ATG13: variants seen among roughly 807,000 people sequenced by gnomAD.
ATG13 encodes autophagy-related protein 13.
A neutral mutation model predicts 65.5 loss-of-function variants in ATG13; 23 were observed. The ratio of observed to expected loss-of-function variants is 0.35; its 90% confidence interval spans 0.25 to 0.50. The LOEUF (loss-of-function observed/expected upper bound fraction) is 0.50. Ranked by LOEUF, ATG13 falls within the 20% of genes least tolerant of loss-of-function variation. The pLI is 0.98. For synonymous variants in ATG13, 252 were observed against 245.2 expected (o/e 1.03, Z -0.26); for missense variants, 566 against 677.0 (o/e 0.84, Z 1.82).
chr11:46,664,456 C>G (rs1176398350), intron 12 of ATG13, among the ~76,000 whole-genome samples: 2 of 152,128 alleles, frequency 1.3e-5, no homozygotes, highest in African/African-American at 4.8e-5. Context: ...TCAAAGGGGC[C>G]TCAGGACAAA....
rs766395654 is a variant in ATG13 at position 46,669,545 on chromosome 11, C to T, written c.1575+13C>T. On this transcript the variant is annotated intron_variant, in intron 18 of 18. Transcript: ENST00000683050. Reference sequence around the variant, plus strand: ...GGCTGAAGACTTGGTATGGAAACGTCTTCCTCTACCACAGTGCATCCTTAT... The same window carrying T: ...GGCTGAAGACTTGGTATGGAAACGTTTTCCTCTACCACAGTGCATCCTTAT... The T allele has an allele frequency of 2.5e-6, 4 of 1,613,488 alleles. No homozygotes were observed. Among genetic ancestry groups the T allele is most frequent in the South Asian group, 2.2e-5 (2 of 91,066 alleles).
chr11:46,653,489 C>G (rs529943966), intron 7 of ATG13, among the ~76,000 whole-genome samples: 5 of 151,460 alleles, frequency 3.3e-5, no homozygotes, highest in South Asian at 4.2e-4. Context: ...TCTTTTCTTT[C>G]ATACAAAACT....
At position 46,645,269 on chromosome 11, in the gene ATG13, G is replaced by C; in HGVS notation, c.70-70G>C. 3 of 1,385,216 alleles carry C rather than the reference G, an allele frequency of 2.2e-6. No individual in the cohort carries two copies. The East Asian group carries it at 7.0e-5, about 32-fold the overall frequency. The allele number at this position is 1,385,216 out of a possible 1,614,324, so 85.8% of individuals were successfully genotyped here. A position where few individuals can be genotyped will look rare whatever the true frequency, so the allele number is the denominator to read the frequency against. ...TCTGTATTGGGAGGATTTTAACCCT[G>C]ATCGGGAGCCAGATTAGTCTAAGAC... On this transcript the variant is annotated intron_variant, in intron 3 of 18. Coordinates refer to ENST00000683050, the MANE Select transcript of ATG13 (RefSeq NM_001346311.2).
intron 2 of ATG13, among the ~76,000 whole-genome samples, chr11:46,631,745 G>A (rs1442286850): frequency 6.6e-6 from 1 of 152,020 alleles, no homozygotes; most frequent in Non-Finnish European, 1.5e-5. Context: ...TGGGTGTAGT[G>A]ACATATACCT....
chr11:46,644,603 A>T (rs1393001597), intron 3 of ATG13, among the ~76,000 whole-genome samples: 2 of 151,216 alleles, frequency 1.3e-5, no homozygotes, highest in African/African-American at 4.9e-5. Context: ...TTTTTTTGCA[A>T]GTCTGTTTGC....
intron 10 of ATG13, among the ~76,000 whole-genome samples, chr11:46,658,003 A>G (rs2060372763): frequency 6.6e-6 from 1 of 151,208 alleles, no homozygotes; most frequent in Admixed American, 6.6e-5. Flanking sequence ...TGGGAGGCAG[A>G]GGTTGCAGTG....
intron 5 of ATG13, among the ~76,000 whole-genome samples, chr11:46,646,650 G>A (rs1239627304): frequency 6.6e-6 from 1 of 151,948 alleles, no homozygotes; most frequent in Non-Finnish European, 1.5e-5. Flanking sequence ...TTTTAGTAGA[G>A]ACAGGGTTTT....
intron 2 of ATG13, among the ~76,000 whole-genome samples, chr11:46,640,439 G>C (rs1025946566): frequency 6.6e-6 from 1 of 152,172 alleles, no homozygotes; most frequent in African/African-American, 2.4e-5. Flanking sequence ...CTTGTATCCA[G>C]AATATATGTT....
At chr11:46,649,373 G>C (rs146814112) in intron 6 of ATG13, among the ~76,000 whole-genome samples, 190 bp downstream of exon 6, 4 of 152,190 alleles carry the variant, frequency 2.6e-5, no homozygotes, top group African/African-American at 9.7e-5. Flanking sequence ...CCTTCAGAGG[G>C]AACATCAGTC....
intron 7 of ATG13, among the ~76,000 whole-genome samples, chr11:46,653,443 G>T (rs1391196622): frequency 1.3e-5 from 2 of 151,836 alleles, no homozygotes; most frequent in African/African-American, 4.8e-5. Flanking sequence ...CAGAGTGCTG[G>T]GATTACAGGC....
At chr11:46,657,070 G>T (rs777070405) in intron 8 of ATG13, 25 bp from the exon 9 acceptor site, 1 of 1,583,032 alleles carries the variant, frequency 6.3e-7, no homozygotes, top group Non-Finnish European at 8.7e-7. Flanking sequence ...TGCAAAAGAA[G>T]CTAATAATGT....
chr11:46,627,870 C>T (rs947251621), intron 1 of ATG13, among the ~76,000 whole-genome samples: 1 of 151,870 alleles, frequency 6.6e-6, no homozygotes, highest in African/African-American at 2.4e-5. Context: ...ATTGCTTGAG[C>T]CCAGGAGTTC....
Position 46,672,339 on chromosome 11 carries a change from C to T in ATG13, c.*7C>T. The T allele has an allele frequency of 1.2e-6, 2 of 1,614,222 alleles. No homozygotes were observed. Among genetic ancestry groups the T allele is most frequent in the Non-Finnish European group, 1.7e-6 (2 of 1,180,024 alleles). ...TGTGGAAACCCTGCAGTAAAAGTAT[C>T]CTTGAGTCCCAGCAGCACCCCCTTT... is the stretch of plus-strand genomic sequence containing the variant. On this transcript the variant is annotated 3_prime_UTR_variant, in exon 19 of 19. Transcript: ENST00000683050.
In ATG13 at chr11:46,672,272, G is replaced by A; in HGVS notation, c.1593G>A (p.Lys531=). The A allele has an allele frequency of 4.3e-6, 7 of 1,614,248 alleles. No individual in the cohort carries two copies. Among genetic ancestry groups the A allele is most frequent in the Non-Finnish European group, 5.1e-6 (6 of 1,180,046 alleles). The change falls in exon 19 of 19, where the codon AAG becomes AAA. Residue 531 remains lysine, a synonymous_variant. Transcript: ENST00000683050. Reference sequence around the variant, plus strand: ...CGGTACAGGACTCATTACCAGAGAAGCTGGCTGTGCATGAGAAGAATGTCC... The same window carrying A: ...CGGTACAGGACTCATTACCAGAGAAACTGGCTGTGCATGAGAAGAATGTCC... ...MAEDLDSLPE[K]LAVHEKNVRE...
At chr11:46,629,585 C>T (rs1393456014) in intron 1 of ATG13, among the ~76,000 whole-genome samples, 5 of 151,624 alleles carry the variant, frequency 3.3e-5, no homozygotes, top group Non-Finnish European at 5.9e-5. Flanking sequence ...TTAGTAGAGA[C>T]GGGGTTTCTC....
intron 1 of ATG13, among the ~76,000 whole-genome samples, chr11:46,618,994 T>C (rs527500364): frequency 1.4e-4 from 21 of 152,092 alleles, no homozygotes; most frequent in Non-Finnish European, 2.9e-4. Context: ...AGGAGCTTAA[T>C]CTCGAAGGAA....
intron 7 of ATG13, among the ~76,000 whole-genome samples, 193 bp downstream of exon 7, chr11:46,650,510 TATC>T (rs2058674908): frequency 6.6e-6 from 1 of 152,218 alleles, no homozygotes; most frequent in Non-Finnish European, 1.5e-5. Flanking sequence ...CCAGGTTTAT[TATC>T]CTTTTCTATA....
chr11:46,657,460 G>A, intron 9 of ATG13, 64 bp from the exon 10 acceptor site: 1 of 1,492,914 alleles, frequency 6.7e-7, no homozygotes, highest in Non-Finnish European at 9.3e-7. Context: ...GGGGCCCTCT[G>A]AGGACTTTGT....
chr11:46,657,351 T>C lies in ATG13; in HGVS notation c.596+160T>C, dbSNP rs1016371337. On this transcript the variant is annotated intron_variant, in intron 9 of 18. Coordinates refer to ENST00000683050, the MANE Select transcript of ATG13 (RefSeq NM_001346311.2). ...GTTGCCAGATTGGAGAATTTGAGTG[T>C]CCCAGAGCCAGTTTGTCCAGAACGT... 1.1e-5 allele frequency: 10 copies of C among 920,838 alleles called. No individual in the cohort carries two copies. In the African/African-American group the frequency reaches 1.7e-4, roughly 15 times the overall value. 57.0% of individuals were successfully genotyped at this position (920,838 alleles called of 1,614,324 possible).
Sources: allele counts gnomAD v4.1 joint callset (sites outside exome capture counted in the v4.1 genomes callset), GRCh38; gene constraint gnomAD v4.1.1; transcripts MANE v1.5; gene names NCBI Gene and HGNC (gene_info 2026-07-23, HGNC 2026-07-21).